OXR1: variants seen among roughly 807,000 people sequenced by gnomAD.
OXR1 encodes the protein oxidation resistance 1.
In OXR1, 41 loss-of-function variants were observed where a neutral mutation model predicts 104.6. The ratio of observed to expected loss-of-function variants is 0.39; its 90% CI spans 0.31 to 0.51. OXR1 has a LOEUF of 0.51. Among genes scored for constraint, OXR1 ranks in the 20% least tolerant of loss-of-function variants. The probability of loss-of-function intolerance (pLI) is 0.77; values close to 1 mark genes in which losing one functional copy is unlikely to be tolerated. For missense variants in OXR1, 955 were observed against 1,031.9 expected, an observed-to-expected ratio of 0.93 and a Z score of 1.02; for synonymous variants, 348 against 348.4, an observed-to-expected ratio of 1.00 and a Z score of 0.01.
At chr8:106,466,842 T>A (rs1027466813) in intron 2 of OXR1, among the ~76,000 whole-genome samples, 5 of 151,918 alleles carry the variant, frequency 3.3e-5, no homozygotes, top group African/African-American at 1.2e-4. Flanking sequence ...AATACAACCC[T>A]GATTAAGCAT....
chr8:106,479,317 C>G (rs1211287872), intron 2 of OXR1, among the ~76,000 whole-genome samples: 1 of 151,984 alleles, frequency 6.6e-6, no homozygotes, highest in African/African-American at 2.4e-5. Flanking sequence ...TGCATGCCAT[C>G]ATGTCATGAT....
intron 2 of OXR1, among the ~76,000 whole-genome samples, chr8:106,390,132 C>T (rs1817535121): frequency 6.6e-6 from 1 of 152,118 alleles, no homozygotes; most frequent in Non-Finnish European, 1.5e-5. Flanking sequence ...ATAATTTTTA[C>T]TTCAGCAGGA....
At chr8:106,419,294 C>A (rs1359208648) in intron 2 of OXR1, among the ~76,000 whole-genome samples, 3 of 152,154 alleles carry the variant, frequency 2.0e-5, no homozygotes, top group Admixed American at 6.6e-5. Flanking sequence ...TCTGGTGAGG[C>A]AGGTGCGTTG....
intron 2 of OXR1, among the ~76,000 whole-genome samples, chr8:106,393,060 C>T (rs1586598271): frequency 6.6e-6 from 1 of 152,150 alleles, no homozygotes; most frequent in Non-Finnish European, 1.5e-5. Flanking sequence ...AGATTGTTTT[C>T]CTTTCTGAGT....
intron 6 of OXR1, among the ~76,000 whole-genome samples, chr8:106,687,323 C>T (rs1828832248): frequency 6.6e-6 from 1 of 152,304 alleles, no homozygotes; most frequent in South Asian, 2.1e-4. Flanking sequence ...GTTTCTCCCC[C>T]TTACCTCTTT....
At chr8:106,584,311 A>G (rs1818465628) in intron 3 of OXR1, among the ~76,000 whole-genome samples, 1 of 151,858 alleles carries the variant, frequency 6.6e-6, no homozygotes, top group Non-Finnish European at 1.5e-5. Flanking sequence ...GACTTAAAAA[A>G]AGAGAGGGGT....
At chr8:106,589,718 G>A (rs1818929760) in intron 3 of OXR1, among the ~76,000 whole-genome samples, 1 of 152,096 alleles carries the variant, frequency 6.6e-6, no homozygotes, top group African/African-American at 2.4e-5. Flanking sequence ...CCAGGCTGGA[G>A]TGCAATGGCA....
chr8:106,339,389 G>C (rs901512994), intron 1 of OXR1, among the ~76,000 whole-genome samples: 1 of 149,640 alleles, frequency 6.7e-6, no homozygotes, highest in African/African-American at 2.5e-5. Context: ...CAGCTACTGG[G>C]GAGGCTGAGG....
At chr8:106,626,051 T>TGC (rs1186141106) in intron 3 of OXR1, among the ~76,000 whole-genome samples, 2 of 151,400 alleles carry the variant, frequency 1.3e-5, no homozygotes, top group African/African-American at 4.9e-5. Context: ...GTTTTGTGTG[T>TGC]GTGTGTGTGT....
chr8:106,685,135 A>G (rs1019592183), intron 6 of OXR1, among the ~76,000 whole-genome samples: 4 of 152,174 alleles, frequency 2.6e-5, no homozygotes, highest in Non-Finnish European at 4.4e-5. Flanking sequence ...ATGCAGTCAC[A>G]TGAAAGGAAT....
intron 1 of OXR1, among the ~76,000 whole-genome samples, chr8:106,327,991 A>G (rs1232220731): frequency 6.6e-6 from 1 of 152,188 alleles, no homozygotes; most frequent in Non-Finnish European, 1.5e-5. Context: ...GGGAAACTAA[A>G]GGATGTGGGT....
chr8:106,445,573 A>G (rs967456964), intron 2 of OXR1, among the ~76,000 whole-genome samples: 1 of 152,086 alleles, frequency 6.6e-6, no homozygotes, highest in African/African-American at 2.4e-5. Flanking sequence ...CTTACTTACC[A>G]AGTCATCATT....
chr8:106,279,652 G>A (rs1044780697), intron 1 of OXR1, among the ~76,000 whole-genome samples: 3 of 152,110 alleles, frequency 2.0e-5, no homozygotes, highest in Non-Finnish European at 2.9e-5. Context: ...TAATCATTTA[G>A]ATTACTTTGT....
At chr8:106,503,834 T>TG (rs1273622727) in intron 2 of OXR1, among the ~76,000 whole-genome samples, 2 of 152,106 alleles carry the variant, frequency 1.3e-5, no homozygotes, top group Admixed American at 6.6e-5. Flanking sequence ...CTCTTCTACC[T>TG]GGGGGAGGGA....
At chr8:106,564,962 G>T (rs893268251) in intron 3 of OXR1, among the ~76,000 whole-genome samples, 2 of 152,060 alleles carry the variant, frequency 1.3e-5, no homozygotes, top group African/African-American at 2.4e-5. Flanking sequence ...AATAAACTAG[G>T]TATCATTGGA....
At chr8:106,679,928 G>GTGT (rs1827985033) in intron 4 of OXR1, among the ~76,000 whole-genome samples, 1 of 152,000 alleles carries the variant, frequency 6.6e-6, no homozygotes, top group Non-Finnish European at 1.5e-5. Context: ...TAATGTTAAC[G>GTGT]TGTTGTAAAG....
chr8:106,420,178 T>G (rs1422038405), intron 2 of OXR1, among the ~76,000 whole-genome samples: 1 of 152,158 alleles, frequency 6.6e-6, no homozygotes, highest in Non-Finnish European at 1.5e-5. Context: ...CTGACGGTTT[T>G]AAATTACTTT....
intron 2 of OXR1, among the ~76,000 whole-genome samples, chr8:106,461,751 G>A (rs1433361530): frequency 3.3e-5 from 5 of 152,158 alleles, no homozygotes; most frequent in Middle Eastern, 3.4e-3. Context: ...TTTGCAGATC[G>A]GAACAGATAA....
chr8:106,608,759 A>C (rs1169554144), intron 3 of OXR1, among the ~76,000 whole-genome samples: 1 of 152,218 alleles, frequency 6.6e-6, no homozygotes, highest in Non-Finnish European at 1.5e-5. Context: ...AACAGAAACC[A>C]GTTTAGCAAC....
Sources: allele counts gnomAD v4.1 joint callset (sites outside exome capture counted in the v4.1 genomes callset), GRCh38; gene constraint gnomAD v4.1.1; transcripts MANE v1.5; gene names NCBI Gene and HGNC (gene_info 2026-07-23, HGNC 2026-07-21).